Variants in CCDC93 observed in about 807,000 individuals in gnomAD.
The protein encoded by CCDC93 is CCC complex scaffolding subunit CCDC93, also known as coiled-coil domain-containing protein 93.
A neutral mutation model predicts 108.2 loss-of-function variants in CCDC93; 61 were observed. The ratio of observed to expected loss-of-function variants is 0.56; its 90% CI spans 0.46 to 0.70. The LOEUF (loss-of-function observed/expected upper bound fraction) is 0.70. CCDC93 is among the 30% of genes least tolerant of loss of function. CCDC93 has a pLI of 0.00. For missense variants in CCDC93, 685 were observed against 764.2 expected (o/e 0.90, Z 1.22); for synonymous variants, 276 against 260.4 (o/e 1.06, Z -0.58).
chr2:117,996,329 C>T lies in CCDC93; in HGVS notation c.397G>A (p.Glu133Lys). 1 of 1,613,816 alleles carries T rather than the reference C, an allele frequency of 6.2e-7. No individual in the cohort carries two copies. Among genetic ancestry groups the T allele is most frequent in the Non-Finnish European group, 8.5e-7 (1 of 1,179,734 alleles). Reference sequence around the variant, plus strand: ...TAGGAGCGGATATAGTCACCCATCTCTTCTTTTGTTTCTATAGCTCGTTTC... The same window carrying T: ...TAGGAGCGGATATAGTCACCCATCTTTTCTTTTGTTTCTATAGCTCGTTTC... The part of the protein sequence containing the change: ...LVKRAIETKE[E>K]MGDYIRSYSV... Residue 133 changes from glutamate to lysine, a missense_variant, in exon 5 of 24, where the codon GAG becomes AAG. Transcript: ENST00000376300.
At chr2:117,959,670 T>C (rs1363913911) in intron 11 of CCDC93, among the ~76,000 whole-genome samples, 1 of 152,218 alleles carries the variant, frequency 6.6e-6, no homozygotes, top group East Asian at 1.9e-4. Flanking sequence ...ACCAGCAGGA[T>C]ACAGCTGCAT....
intron 6 of CCDC93, among the ~76,000 whole-genome samples, chr2:117,994,966 G>A (rs1234185026): frequency 6.6e-6 from 1 of 152,104 alleles, no homozygotes; most frequent in Non-Finnish European, 1.5e-5. Context: ...CCTTGTGCTG[G>A]CGAAGTTGGG....
chr2:117,929,280 A>G (rs1678241069), intron 23 of CCDC93, among the ~76,000 whole-genome samples: 1 of 152,204 alleles, frequency 6.6e-6, no homozygotes. Context: ...AAATATGCAA[A>G]AACATATTTC....
rs17047557 is a variant in CCDC93 at position 117,944,044 on chromosome 2, A to G, written c.1393T>C (p.Tyr465His). ...RRYNMEKEKL[Y>H]KIRLLQARRN... is the part of the protein sequence containing the mutation. ...CTCACCTGTAGTAAACGTATCTTGT[A>G]AAGTTTCTCTTTCTCCATATTATAC... is the stretch of plus-strand genomic sequence containing the variant. Residue 465 changes from tyrosine (Y) to histidine (H), a missense_variant, in exon 18 of 24, where the codon TAC (tyrosine) becomes CAC (histidine). By Grantham distance (83) the Tyr-to-His change is moderately conservative (BLOSUM62 2). Transcript: ENST00000376300. 4,236 of 1,606,488 alleles carry G rather than the reference A, an allele frequency of 2.6e-3. 89 individuals are homozygous for G. In the African/African-American group the frequency reaches 0.045, roughly 17 times the overall value.
At chr2:117,986,507 C>G (rs539035591) in intron 6 of CCDC93, among the ~76,000 whole-genome samples, 36 of 152,104 alleles carry the variant, frequency 2.4e-4, no homozygotes, top group African/African-American at 8.7e-4. Flanking sequence ...GGCTGCTTGT[C>G]CCCACATCTC....
chr2:118,007,548 A>G (rs772745320), intron 2 of CCDC93, among the ~76,000 whole-genome samples: 1 of 152,224 alleles, frequency 6.6e-6, no homozygotes, highest in Non-Finnish European at 1.5e-5. Flanking sequence ...AGGCACCTGT[A>G]ATCCCAGCTA....
At chr2:117,938,836 T>C (rs1295926697) in intron 20 of CCDC93, among the ~76,000 whole-genome samples, 193 bp downstream of exon 20, 1 of 152,210 alleles carries the variant, frequency 6.6e-6, no homozygotes, top group Non-Finnish European at 1.5e-5. Flanking sequence ...CCAGTCTCAC[T>C]TCACAGCAGA....
chr2:118,001,095 A>G (rs1345343858), intron 3 of CCDC93, 163 bp from the exon 4 acceptor site: 1 of 570,706 alleles, frequency 1.8e-6, no homozygotes, highest in African/African-American at 1.9e-5. Flanking sequence ...GAGAAAAATA[A>G]GCACAATTTG....
intron 7 of CCDC93, among the ~76,000 whole-genome samples, chr2:117,983,299 A>G (rs1199598421): frequency 6.6e-6 from 1 of 152,186 alleles, no homozygotes; most frequent in Non-Finnish European, 1.5e-5. Context: ...AGAAGGACAT[A>G]TAGGCATCTG....
chr2:117,974,339 G>C (rs1312963311), intron 10 of CCDC93, among the ~76,000 whole-genome samples: 1 of 152,120 alleles, frequency 6.6e-6, no homozygotes, highest in Non-Finnish European at 1.5e-5. Context: ...CTAGGACACA[G>C]GGAATAGAGA....
intron 1 of CCDC93, among the ~76,000 whole-genome samples, chr2:118,011,352 T>C (rs1677016341): frequency 1.3e-5 from 2 of 152,152 alleles, no homozygotes; most frequent in African/African-American, 4.8e-5. Flanking sequence ...GCTACATCCG[T>C]CTCTGAAATG....
intron 6 of CCDC93, among the ~76,000 whole-genome samples, chr2:117,993,019 C>T (rs1281787367): frequency 2.6e-5 from 4 of 152,054 alleles, no homozygotes; most frequent in African/African-American, 7.2e-5. Flanking sequence ...GCTCTATGGC[C>T]GAAAACTGTA....
chr2:118,006,802 C>A lies in CCDC93; in HGVS notation c.171G>T (p.Met57Ile). 6.2e-7 allele frequency: 1 copy of A among 1,605,902 alleles called. No homozygotes were observed. Among genetic ancestry groups the A allele is most frequent in the South Asian group, 1.1e-5 (1 of 90,874 alleles). ...AGTTGCAAGTGGTGATACACCAAGTCATTCCTCCTACTACCTGCAAGACAT... is the reference window on the plus strand; with the variant it reads ...AGTTGCAAGTGGTGATACACCAAGTAATTCCTCCTACTACCTGCAAGACAT... ...LSPFDKVVGG[M>I]TWCITTCNFD... Residue 57 changes from methionine to isoleucine, a missense_variant, in exon 3 of 24, where the codon ATG (methionine) becomes ATT (isoleucine). Met to Ile is a conservative substitution (Grantham distance 10). Coordinates refer to ENST00000376300, the MANE Select transcript of CCDC93 (RefSeq NM_019044.5).
At chr2:118,000,677 A>C (rs1680817821) in intron 4 of CCDC93, 144 bp downstream of exon 4, 1 of 590,262 alleles carries the variant, frequency 1.7e-6, no homozygotes, top group South Asian at 2.2e-5. Flanking sequence ...ACGACAACGA[A>C]CACCACCATG....
intron 1 of CCDC93, among the ~76,000 whole-genome samples, chr2:118,011,911 T>C (rs1677030009): frequency 1.3e-5 from 2 of 152,244 alleles, no homozygotes; most frequent in African/African-American, 2.4e-5. Context: ...CACTGTCTGA[T>C]CTGCTGGGAA....
At chr2:117,996,591 G>C (rs1389670601) in intron 4 of CCDC93, 1 of 399,770 alleles carries the variant, frequency 2.5e-6, no homozygotes, top group African/African-American at 2.0e-5. Context: ...GAGCTTTAAA[G>C]CCTTACTTCA....
intron 12 of CCDC93, among the ~76,000 whole-genome samples, chr2:117,957,657 T>A (rs1210317291): frequency 1.3e-5 from 2 of 152,216 alleles, no homozygotes; most frequent in African/African-American, 4.8e-5. Context: ...GATCAGACAC[T>A]GCCAACCAAC....
chr2:118,008,891 G>C (rs535490358), intron 1 of CCDC93: 1 of 496,380 alleles, frequency 2.0e-6, no homozygotes, highest in South Asian at 2.4e-5. Flanking sequence ...ATAGCTGAGG[G>C]AGACACATGC....
chr2:117,959,077 G>C (rs758674088), intron 11 of CCDC93, among the ~76,000 whole-genome samples: 1 of 152,176 alleles, frequency 6.6e-6, no homozygotes, highest in Admixed American at 6.5e-5. Flanking sequence ...AAGGGAGGAG[G>C]GGGTGGAGAA....
Sources: allele counts gnomAD v4.1 joint callset (sites outside exome capture counted in the v4.1 genomes callset), GRCh38; gene constraint gnomAD v4.1.1; transcripts MANE v1.5; gene names NCBI Gene and HGNC (gene_info 2026-07-23, HGNC 2026-07-21).